The following CCDC30 variants were observed in gnomAD, a reference collection of about 807,000 sequenced individuals.
CCDC30 encodes coiled-coil domain-containing protein 30.
CCDC30 carries 70 observed loss-of-function variants against 100.2 expected under a neutral mutation model. The ratio of observed to expected loss-of-function variants is 0.70; its 90% CI spans 0.58 to 0.85. The LOEUF is 0.85. Among genes scored for constraint, CCDC30 ranks in the 40% least tolerant of loss-of-function variants. The pLI, the probability that CCDC30 is intolerant of heterozygous loss-of-function variation, is 0.00. For synonymous variants in CCDC30, 233 were observed against 269.5 expected (o/e 0.86, Z 1.33); for missense variants, 652 against 771.2 (o/e 0.85, Z 1.83).
rs370989284 is a variant in CCDC30, at chr1:42,519,213, C to T, written c.456+20297C>T. Among the ~76,000 whole-genome samples, 6 of 152,220 alleles carry T rather than the reference C, an allele frequency of 3.9e-5. No individual in the cohort carries two copies. The South Asian group carries it at 6.2e-4, about 16-fold the overall frequency. On this transcript the variant is annotated intron_variant, in intron 6 of 16. Transcript: ENST00000668663. ...ATATTGTTGAGGATTTTTTCATCAACGTTCTTAAGGGGCATTGGCCTGTAG... is the reference window on the plus strand; with the variant it reads ...ATATTGTTGAGGATTTTTTCATCAATGTTCTTAAGGGGCATTGGCCTGTAG...
chr1:42,653,388 A>T, exon 16 of CCDC30: 8 of 1,602,354 alleles, frequency 5.0e-6, no homozygotes, highest in Non-Finnish European at 6.8e-6. Flanking sequence ...AACAACAATT[A>T]GTGACATCCT....
intron 6 of CCDC30, among the ~76,000 whole-genome samples, chr1:42,559,199 A>G (rs1369297818): frequency 3.9e-5 from 6 of 152,202 alleles, no homozygotes; most frequent in South Asian, 2.1e-4. Flanking sequence ...ACACCAAAAT[A>G]TAAAGACCAA....
rs1250900803 is a variant in CCDC30 at position 42,502,504 on chromosome 1, GA to G, written c.456+3590del. Among the ~76,000 whole-genome samples, 3 of 152,180 alleles carry G rather than the reference GA, an allele frequency of 2.0e-5. No homozygotes were observed. In the East Asian group the frequency reaches 5.8e-4, roughly 29 times the overall value. ...ACTGTCTGAGAAGCCCCAGTAAGAT[GA>G]ACCCAGTACCTCAGTTGGAAATGCA... is the stretch of plus-strand genomic sequence containing the variant. On this transcript the variant is annotated intron_variant, in intron 6 of 16. Coordinates refer to ENST00000668663, the Ensembl canonical transcript of CCDC30.
intron 11 of CCDC30, among the ~76,000 whole-genome samples, chr1:42,625,034 CT>C (rs200143514): frequency 0.011 from 1,675 of 151,700 alleles, 35 homozygotes; most frequent in African/African-American, 0.039. Flanking sequence ...TACTGGGGGA[CT>C]TTTTTTTATG....
intron 4 of CCDC30, among the ~76,000 whole-genome samples, chr1:42,496,479 A>ATAT (rs1644234452): frequency 2.7e-5 from 4 of 146,508 alleles, no homozygotes; most frequent in African/African-American, 7.4e-5. Context: ...TATATATATA[A>ATAT]ATGTCTGAAA....
the CCDC30 span, chr1:42,456,167 G>A: frequency 1.6e-6 from 1 of 636,892 alleles, no homozygotes. Context: ...TGGAAAAGGG[G>A]AAGAAAGAAA....
At chr1:42,604,081 G>T (rs937585910) in intron 10 of CCDC30, among the ~76,000 whole-genome samples, 1 of 151,992 alleles carries the variant, frequency 6.6e-6, no homozygotes, top group African/African-American at 2.4e-5. Context: ...TAGCTGGGTG[G>T]TACATGCCTG....
intron 6 of CCDC30, among the ~76,000 whole-genome samples, chr1:42,505,801 A>G (rs1644385771): frequency 6.6e-6 from 1 of 152,130 alleles, no homozygotes; most frequent in African/African-American, 2.4e-5. Context: ...TTTTTTACTG[A>G]CCATAGGTCA....
exon 12 of CCDC30, chr1:42,637,333 C>G (rs1427478064): frequency 6.3e-7 from 1 of 1,594,334 alleles, no homozygotes; most frequent in East Asian, 2.2e-5. Flanking sequence ...AGAGAATTAA[C>G]CAATTTGAAG....
chr1:42,607,193 C>T (rs1354389487), intron 10 of CCDC30, among the ~76,000 whole-genome samples: 1 of 152,026 alleles, frequency 6.6e-6, no homozygotes, highest in African/African-American at 2.4e-5. Flanking sequence ...TTTGAGGCTA[C>T]AGTGAGTTAT....
At chr1:42,537,429 A>C (rs1055758839) in intron 6 of CCDC30, 5 of 359,824 alleles carry the variant, frequency 1.4e-5, no homozygotes, top group Non-Finnish European at 2.7e-5. Context: ...ATTATCATTT[A>C]CCCTCTTCCT....
At chr1:42,560,880 C>G (rs1447256598) in intron 6 of CCDC30, among the ~76,000 whole-genome samples, 1 of 152,146 alleles carries the variant, frequency 6.6e-6, no homozygotes, top group African/African-American at 2.4e-5. Flanking sequence ...TTCCTGGTTG[C>G]ATACACCCTA....
intron 10 of CCDC30, chr1:42,594,510 A>G (rs1294908294): frequency 6.6e-6 from 1 of 152,130 alleles, no homozygotes; most frequent in Non-Finnish European, 1.5e-5. Flanking sequence ...TGAGACCTCA[A>G]GTGAAAAAAG....
chr1:42,603,569 T>A (rs1247474857), intron 10 of CCDC30, among the ~76,000 whole-genome samples: 1 of 152,124 alleles, frequency 6.6e-6, no homozygotes, highest in Non-Finnish European at 1.5e-5. Context: ...AAAACAACAA[T>A]GAGATACTAC....
Position 42,611,100 on chromosome 1 carries a change from G to A in CCDC30, c.1277+10G>A. 1.3e-6 allele frequency: 2 copies of A among 1,492,942 alleles called. No individual in the cohort carries two copies. Among genetic ancestry groups the A allele is most frequent in the African/African-American group, 1.4e-5 (1 of 72,644 alleles). 92.5% of individuals were successfully genotyped at this position (1,492,942 alleles called of 1,614,324 possible). ...TTAATGTCCATGTGAGGTAAACAAAGACAAGTTCTCTTTGGAAGAAAACTA... is the reference window on the plus strand; with the variant it reads ...TTAATGTCCATGTGAGGTAAACAAAAACAAGTTCTCTTTGGAAGAAAACTA... On this transcript the variant is annotated intron_variant, in intron 11 of 16. Coordinates refer to ENST00000668663, the Ensembl canonical transcript of CCDC30.
At chr1:42,652,527 A>G (rs936373489) in intron 15 of CCDC30, among the ~76,000 whole-genome samples, 3 of 152,206 alleles carry the variant, frequency 2.0e-5, no homozygotes, top group South Asian at 2.1e-4. Context: ...CTTTCTGACC[A>G]TCACAATATC....
chr1:42,457,078 G>A, the CCDC30 span: 5 of 1,590,546 alleles, frequency 3.1e-6, no homozygotes, highest in Non-Finnish European at 4.3e-6. Flanking sequence ...CGCTAGGTGC[G>A]TGCCCTAGGA....
intron 15 of CCDC30, among the ~76,000 whole-genome samples, chr1:42,650,163 T>C (rs1648207114): frequency 6.6e-6 from 1 of 152,060 alleles, no homozygotes; most frequent in East Asian, 1.9e-4. Flanking sequence ...AGAACAAAGC[T>C]GGAGGCCTCA....
At chr1:42,459,573 G>C, upstream of CCDC30, 2 of 1,582,004 alleles carry the variant, frequency 1.3e-6, no homozygotes, top group Non-Finnish European at 1.7e-6. Context: ...ACCATTGTTT[G>C]CTTATTAAGC....
Sources: gnomAD v4.1 joint callset for allele counts (sites outside exome capture counted in the v4.1 genomes callset) on GRCh38, gnomAD v4.1.1 for gene constraint, MANE v1.5 for transcripts, NCBI Gene and HGNC (gene_info 2026-07-23, HGNC 2026-07-21) for gene names.